Variants in MBNL1 observed in about 807,000 individuals in gnomAD.
MBNL1 encodes the protein muscleblind like splicing regulator 1, also known as muscleblind-like protein 1.
Under a neutral mutation model 42.2 loss-of-function variants are expected in MBNL1, and 8 were observed. That is an observed-to-expected ratio of 0.19 (90% CI 0.11 to 0.34). The LOEUF (loss-of-function observed/expected upper bound fraction) is 0.34. Ranked by LOEUF, MBNL1 falls within the 10% of genes least tolerant of loss-of-function variation. MBNL1 has a pLI of 1.00. For missense variants in MBNL1, 309 were observed against 495.3 expected, an observed-to-expected ratio of 0.62 and a Z score of 3.57; for synonymous variants, 169 against 173.9, an observed-to-expected ratio of 0.97 and a Z score of 0.22.
chr3:152,302,531 T>G (rs1234587209), intron 2 of MBNL1: 2 of 152,196 alleles, frequency 1.3e-5, no homozygotes, highest in Non-Finnish European at 2.9e-5. Context: ...ACACATGTGA[T>G]TCTTTGTACA....
intron 2 of MBNL1, among the ~76,000 whole-genome samples, chr3:152,363,892 T>C (rs1233177280): frequency 2.0e-5 from 3 of 152,194 alleles, no homozygotes; most frequent in African/African-American, 7.2e-5. Flanking sequence ...TGCCCATTTG[T>C]ATATAATAAT....
intron 3 of MBNL1, among the ~76,000 whole-genome samples, chr3:152,418,503 A>T (rs746002842): frequency 6.6e-6 from 1 of 151,670 alleles, no homozygotes; most frequent in Non-Finnish European, 1.5e-5. Flanking sequence ...CAAGACACCA[A>T]CTTAGGAAGC....
chr3:152,271,307 A>G (rs908064421), intron 1 of MBNL1, among the ~76,000 whole-genome samples: 1 of 152,196 alleles, frequency 6.6e-6, no homozygotes, highest in Admixed American at 6.5e-5. Context: ...GACTAACCCA[A>G]AATTTCTCCT....
intron 2 of MBNL1, among the ~76,000 whole-genome samples, chr3:152,387,695 C>T (rs564826655): frequency 2.2e-4 from 33 of 152,082 alleles, no homozygotes; most frequent in Non-Finnish European, 3.8e-4. Context: ...TCAACCTCAC[C>T]TAGGTAAAGT....
intron 8 of MBNL1, among the ~76,000 whole-genome samples, 180 bp downstream of exon 8, chr3:152,456,541 C>T (rs556829566): frequency 2.6e-4 from 40 of 152,318 alleles, no homozygotes; most frequent in African/African-American, 9.4e-4. Context: ...TACACATTCT[C>T]TCTATGATGA....
chr3:152,262,956 T>C (rs983577564), intron 2 of MBNL1: 1 of 152,248 alleles, frequency 6.6e-6, no homozygotes, highest in Non-Finnish European at 1.5e-5. Flanking sequence ...CAGTCCATAG[T>C]AGAAGGTACG....
chr3:152,340,397 G>T, intron 2 of MBNL1: 2 of 1,085,576 alleles, frequency 1.8e-6, no homozygotes, highest in Non-Finnish European at 2.6e-6. Context: ...CTGTAAGATT[G>T]TAATGACAAT....
intron 2 of MBNL1, among the ~76,000 whole-genome samples, chr3:152,365,274 T>G (rs951644767): frequency 2.6e-5 from 4 of 152,112 alleles, no homozygotes; most frequent in Non-Finnish European, 5.9e-5. Flanking sequence ...TGATTTTTTT[T>G]TTATAACCCC....
At chr3:152,415,135 T>A (rs777799442) in intron 3 of MBNL1, 24 bp downstream of exon 3, 8 of 1,540,318 alleles carry the variant, frequency 5.2e-6, no homozygotes, top group Non-Finnish European at 6.1e-6. Context: ...CAGTCTTCAC[T>A]CATTAAGTTT....
intron 2 of MBNL1, 59 bp downstream of exon 2, chr3:152,300,426 C>A: frequency 7.3e-7 from 1 of 1,373,324 alleles, no homozygotes; most frequent in Non-Finnish European, 1.0e-6. Flanking sequence ...GGTATATGGA[C>A]ATACAGTTCT....
chr3:152,433,931 T>C (rs1311848044), intron 4 of MBNL1, among the ~76,000 whole-genome samples: 1 of 152,160 alleles, frequency 6.6e-6, no homozygotes, highest in Non-Finnish European at 1.5e-5. Context: ...ACTATAGATG[T>C]AGAGAAAAAG....
chr3:152,316,817 G>A (rs1003572468), intron 2 of MBNL1, among the ~76,000 whole-genome samples: 2 of 152,050 alleles, frequency 1.3e-5, no homozygotes, highest in African/African-American at 4.8e-5. Flanking sequence ...CTTTCAGATA[G>A]AGCTGGCTTT....
intron 2 of MBNL1, chr3:152,338,474 A>C: frequency 1.0e-6 from 1 of 985,352 alleles, no homozygotes; most frequent in Non-Finnish European, 1.2e-6. Context: ...TCAGTTGTTA[A>C]GGCTTCCCAA....
chr3:152,384,371 TAG>T (rs751075825), intron 2 of MBNL1, among the ~76,000 whole-genome samples: 8 of 152,082 alleles, frequency 5.3e-5, no homozygotes, highest in Non-Finnish European at 1.0e-4. Flanking sequence ...TTTGCCTGAC[TAG>T]AGAGTTACAG....
chr3:152,415,405 T>C (rs2153650265), intron 3 of MBNL1, among the ~76,000 whole-genome samples: 1 of 152,336 alleles, frequency 6.6e-6, no homozygotes, highest in East Asian at 1.9e-4. Flanking sequence ...TGTGTTACAA[T>C]GATCATCTAA....
In MBNL1 at chr3:152,443,190, CCA is replaced by C. The variant is rs59682355; in HGVS notation, c.550-2079_550-2078del. Among the ~76,000 whole-genome samples the C allele has an allele frequency of 6.8e-3, 696 of 103,056 alleles. 3 individuals are homozygous for C. The highest frequency in any genetic ancestry group is 0.013 in the African/African-American group (336 of 26,794). The allele number at this position is 103,056 out of a possible 152,430, so 67.6% of individuals were successfully genotyped here. A position where few individuals can be genotyped will look rare whatever the true frequency, so the allele number is the denominator to read the frequency against. On this transcript the variant is annotated intron_variant, in intron 4 of 9. Coordinates refer to ENST00000324210, the MANE Select transcript of MBNL1 (RefSeq NM_021038.5). ...CCTTAACCTGTAGAAACCCCCCCCC[CCA>C]CACACACACACATGCAAATACATAC...
chr3:152,250,602 A>G (rs1426779360), intron 2 of MBNL1, among the ~76,000 whole-genome samples: 12 of 151,346 alleles, frequency 7.9e-5, no homozygotes, highest in Non-Finnish European at 2.9e-5. Flanking sequence ...CTAATTGAAT[A>G]CCCTTTATTT....
intron 6 of MBNL1, 127 bp downstream of exon 6, chr3:152,447,900 A>G (rs12489488): frequency 0.028 from 19,574 of 705,550 alleles, 341 homozygotes; most frequent in Admixed American, 0.049. Context: ...GTGGTCAATG[A>G]TGGAAACTTA....
intron 4 of MBNL1, among the ~76,000 whole-genome samples, chr3:152,441,247 G>A (rs752253198): frequency 5.3e-5 from 8 of 152,070 alleles, no homozygotes; most frequent in Non-Finnish European, 7.4e-5. Context: ...GCATTGCTGA[G>A]TTTAATACTA....
Sources: allele counts gnomAD v4.1 joint callset (sites outside exome capture counted in the v4.1 genomes callset), GRCh38; gene constraint gnomAD v4.1.1; transcripts MANE v1.5; gene names NCBI Gene and HGNC (gene_info 2026-07-23, HGNC 2026-07-21).